The following TRPC3 variants were observed in gnomAD, a reference collection of about 807,000 sequenced individuals.
The protein encoded by TRPC3 is transient receptor potential cation channel subfamily C member 3.
A neutral mutation model predicts 90.9 loss-of-function variants in TRPC3; 54 were observed. That is an observed-to-expected ratio of 0.59 (90% CI 0.48 to 0.75). The LOEUF is 0.75. Ranked by LOEUF, TRPC3 falls within the 30% of genes least tolerant of loss-of-function variation. The probability of loss-of-function intolerance (pLI) is 0.00; values close to 1 mark genes in which losing one functional copy is unlikely to be tolerated. For synonymous variants in TRPC3, 424 were observed against 450.9 expected, an observed-to-expected ratio of 0.94 and a Z score of 0.75; for missense variants, 918 against 1,194.5, an observed-to-expected ratio of 0.77 and a Z score of 3.41.
At chr4:121,888,214 A>T (rs756738112) in intron 10 of TRPC3, among the ~76,000 whole-genome samples, 3 of 152,162 alleles carry the variant, frequency 2.0e-5, no homozygotes, top group Non-Finnish European at 4.4e-5. Context: ...GCATATTTGA[A>T]TCTCTGTCTT....
rs1313472067 is a variant in TRPC3 at position 121,877,621 on chromosome 4, C to T, written c.*2115G>A. Among the ~76,000 whole-genome samples, 1 of 152,136 alleles carries T rather than the reference C, an allele frequency of 6.6e-6. No individual in the cohort carries two copies. Among genetic ancestry groups the T allele is most frequent in the African/African-American group, 2.4e-5 (1 of 41,420 alleles). On this transcript the variant is annotated 3_prime_UTR_variant, in exon 12 of 12. Transcript: ENST00000379645. Reference sequence around the variant, plus strand: ...CTGGGCAGGGCATCAAAAACATCAACCACACTCACTACACCTTGTCATCAC... The same window carrying T: ...CTGGGCAGGGCATCAAAAACATCAATCACACTCACTACACCTTGTCATCAC...
At position 121,907,388 on chromosome 4, in the gene TRPC3, T is replaced by A; in HGVS notation, c.1972A>T (p.Ile658Phe). 6.2e-7 allele frequency: 1 copy of A among 1,613,396 alleles called. No individual in the cohort carries two copies. Among genetic ancestry groups the A allele is most frequent in the Non-Finnish European group, 8.5e-7 (1 of 1,179,512 alleles). ...ATCATAAAGGCAAAAAACACCATAA[T>A]AAAGAGGACCATGAACTTGAATATG... ...KDIFKFMVLF[I>F]MVFFAFMIGM... Residue 658 changes from isoleucine (I) to phenylalanine (F), a missense_variant, in exon 7 of 12, where the codon ATT (isoleucine) becomes TTT (phenylalanine). Transcript: ENST00000379645.
rs1380748054 is a variant in TRPC3 at position 121,878,438 on chromosome 4, A to G, written c.*1298T>C. On this transcript the variant is annotated 3_prime_UTR_variant, in exon 12 of 12. Transcript: ENST00000379645. ...ACAATTCGTATTCCTATACGACTTG[A>G]CAGCAACTGACTGCAGACTCAGGAT... Among the ~76,000 whole-genome samples, 3 of 81,836 alleles carry G rather than the reference A, an allele frequency of 3.7e-5. No individual in the cohort carries two copies. The highest frequency in any genetic ancestry group is 5.9e-5 in the African/African-American group (1 of 16,944). 53.7% of individuals were successfully genotyped at this position (81,836 alleles called of 152,430 possible). A position where few individuals can be genotyped will look rare whatever the true frequency, so the allele number is the denominator to read the frequency against.
chr4:121,936,763 G>T (rs983853377), intron 1 of TRPC3, among the ~76,000 whole-genome samples: 1 of 151,990 alleles, frequency 6.6e-6, no homozygotes. Flanking sequence ...CACCTACAAG[G>T]TACCTCTCCA....
chr4:121,923,451 G>A (rs1578639405), intron 3 of TRPC3, among the ~76,000 whole-genome samples: 1 of 152,156 alleles, frequency 6.6e-6, no homozygotes, highest in Non-Finnish European at 1.5e-5. Flanking sequence ...AGTACAAGGG[G>A]CATGAAATCT....
rs201458006 is a variant in TRPC3, at chr4:121,925,220, G to A, written c.988-14C>T. The A allele has an allele frequency of 1.4e-4, 223 of 1,597,896 alleles. No individual in the cohort carries two copies. The highest frequency in any genetic ancestry group is 1.8e-4 in the Non-Finnish European group (210 of 1,174,158). On this transcript the variant is annotated splice_polypyrimidine_tract_variant and intron_variant, in intron 2 of 11. Transcript: ENST00000379645. ...CCGATAGTCATTCTAAGAACAAGAG[G>A]TTTAGTGTTTTAACACAAATAATTT...
intron 10 of TRPC3, among the ~76,000 whole-genome samples, chr4:121,882,662 G>A (rs1727983831): frequency 6.6e-6 from 1 of 152,016 alleles, no homozygotes; most frequent in Non-Finnish European, 1.5e-5. Flanking sequence ...AACGGAAGAA[G>A]CTTTTAAAAA....
rs1196006080 is a variant in TRPC3, at chr4:121,932,841, G to C, written c.417C>G (p.Asn139Lys). 1.1e-5 allele frequency: 17 copies of C among 1,610,676 alleles called. No individual in the cohort carries two copies. Among genetic ancestry groups the C allele is most frequent in the Non-Finnish European group, 1.4e-5 (17 of 1,177,416 alleles). Residue 139 changes from asparagine (N) to lysine (K), a missense_variant, in exon 2 of 12, where the codon AAC (asparagine) becomes AAG (lysine). Around this residue, in one of 4 missense-constraint regions of TRPC3, gnomAD observed 609 missense variants for 725.9 expected, o/e 0.84. Coordinates refer to ENST00000379645, the MANE Select transcript of TRPC3 (RefSeq NM_001130698.2). This position sits in a 1 kb window ranked among gnomAD's most constrained non-coding sequence, Gnocchi z 7.7. ...GGCCCATGTAGTCCACGCAGTTGAC[G>C]TTCAGCGTCTTGGACTCCTCCAGCA... is the stretch of plus-strand genomic sequence containing the variant. ...RKMLEESKTL[N>K]VNCVDYMGQN...
rs1394796164 is a variant in TRPC3 at position 121,908,502 on chromosome 4, TACAGAAA to T, written c.1793-942_1793-936del. Among the ~76,000 whole-genome samples the T allele has an allele frequency of 2.0e-5, 3 of 152,052 alleles. No homozygotes were observed. The East Asian group carries it at 5.8e-4, about 29-fold the overall frequency. ...AGGTGCTCATCAACAGTGGACTGGA[TACAGAAA>T]ATGTGGTACATATACTCCATGGAAT... On this transcript the variant is annotated intron_variant, in intron 6 of 11. Coordinates refer to ENST00000379645, the MANE Select transcript of TRPC3 (RefSeq NM_001130698.2).
In TRPC3 at chr4:121,878,462, A is replaced by G. The variant is rs1373996081; in HGVS notation, c.*1274T>C. Among the ~76,000 whole-genome samples, 1 of 151,982 alleles carries G rather than the reference A, an allele frequency of 6.6e-6. No individual in the cohort carries two copies. Among genetic ancestry groups the G allele is most frequent in the African/African-American group, 2.4e-5 (1 of 41,354 alleles). On this transcript the variant is annotated 3_prime_UTR_variant, in exon 12 of 12. Coordinates refer to ENST00000379645, the MANE Select transcript of TRPC3 (RefSeq NM_001130698.2). ...GACAGCAACTGACTGCAGACTCAGG[A>G]TGTTAAACATAACTCTATGAGAGAT...
chr4:121,875,368 T>G lies in TRPC3; in HGVS notation c.*4368A>C, dbSNP rs572149544. Among the ~76,000 whole-genome samples the G allele has an allele frequency of 5.3e-4, 81 of 152,376 alleles. No individual in the cohort carries two copies. Among genetic ancestry groups the G allele is most frequent in the Non-Finnish European group, 1.0e-3 (69 of 68,024 alleles). ...CATCTAAAAATGCAATTTATTATTT[T>G]TAAAGTACATACTATGTTTTGTTTC... On this transcript the variant is annotated 3_prime_UTR_variant, in exon 12 of 12. Transcript: ENST00000379645.
intron 11 of TRPC3, 77 bp from the exon 12 acceptor site, chr4:121,879,955 A>G (rs1727885987): frequency 7.3e-7 from 1 of 1,369,270 alleles, no homozygotes; most frequent in Non-Finnish European, 9.7e-7. Context: ...AAATTCTTAC[A>G]ATATCAATGT....
At chr4:121,916,690 T>C (rs1171136842) in intron 3 of TRPC3, among the ~76,000 whole-genome samples, 1 of 151,996 alleles carries the variant, frequency 6.6e-6, no homozygotes, top group Non-Finnish European at 1.5e-5. Flanking sequence ...TCATTTTGGA[T>C]TTCCAGCCTC....
At chr4:121,892,503 G>A (rs987840231) in intron 10 of TRPC3, among the ~76,000 whole-genome samples, 5 of 152,174 alleles carry the variant, frequency 3.3e-5, no homozygotes, top group African/African-American at 9.7e-5. Flanking sequence ...CATTCATGAT[G>A]CAGTAATACG....
At position 121,951,202 on chromosome 4, in the gene TRPC3, C is replaced by A. The variant is rs1040394504; in HGVS notation, c.215+264G>T. ...TGTCTGAAGTCAGTGTGCCCGCCTG[C>A]GGGCTGTTCCGTGTGCTTGAGCCTG... is the stretch of plus-strand genomic sequence containing the variant. On this transcript the variant is annotated intron_variant, in intron 1 of 11. Transcript: ENST00000379645. The surrounding 1 kb of genome is among the most constrained non-coding windows in gnomAD (Gnocchi z 4.4). Among the ~76,000 whole-genome samples, 1 of 152,164 alleles carries A rather than the reference C, an allele frequency of 6.6e-6. No individual in the cohort carries two copies. Among genetic ancestry groups the A allele is most frequent in the African/African-American group, 2.4e-5 (1 of 41,452 alleles).
chr4:121,882,464 G>GATATACAT, intron 10 of TRPC3, 35 bp from the exon 11 acceptor site: 1 of 1,590,116 alleles, frequency 6.3e-7, no homozygotes, highest in Non-Finnish European at 8.6e-7. Context: ...GATCTCCAAT[G>GATATACAT]ATATACATAA....
chr4:121,948,377 T>TCCC lies in TRPC3; in HGVS notation c.215+3086_215+3088dup, dbSNP rs5861550. ...AGATTCTAGCTGGTTTTTTTTTTTT[T>TCCC]CCCTCAATTTCTCCCCTTTCCATTC... On this transcript the variant is annotated intron_variant, in intron 1 of 11. Coordinates refer to ENST00000379645, the MANE Select transcript of TRPC3 (RefSeq NM_001130698.2). Among the ~76,000 whole-genome samples, 28 of 149,340 alleles carry TCCC rather than the reference T, an allele frequency of 1.9e-4. 1 individual carries two copies. Among genetic ancestry groups the TCCC allele is most frequent in the Non-Finnish European group, 2.2e-4 (15 of 67,422 alleles).
intron 7 of TRPC3, among the ~76,000 whole-genome samples, chr4:121,906,638 G>T (rs1728893238): frequency 6.6e-6 from 1 of 152,042 alleles, no homozygotes. Context: ...GAGCAGGGAG[G>T]GTTTATGACC....
At chr4:121,947,007 AC>A (rs1424900201) in intron 1 of TRPC3, among the ~76,000 whole-genome samples, 1 of 151,688 alleles carries the variant, frequency 6.6e-6, no homozygotes, top group East Asian at 1.9e-4. Flanking sequence ...ACATAGTGAG[AC>A]CTCATCGATA....
Sources: gnomAD v4.1 joint callset for allele counts (sites outside exome capture counted in the v4.1 genomes callset) on GRCh38, gnomAD v4.1.1 for gene constraint, gnomAD v4.1.1 regional missense constraint, Gnocchi (gnomAD v3.1) non-coding constraint, MANE v1.5 for transcripts, NCBI Gene and HGNC (gene_info 2026-07-23, HGNC 2026-07-21) for gene names.